The following NELL1 variants were observed in gnomAD, a reference collection of about 807,000 sequenced individuals.
NELL1 encodes the protein protein kinase C-binding protein NELL1.
A neutral mutation model predicts 107.4 loss-of-function variants in NELL1; 76 were observed. The observed-to-expected ratio is 0.71, with a 90% CI of 0.59 to 0.86. NELL1 has a LOEUF of 0.86. Ranked by LOEUF, NELL1 falls within the 40% of genes least tolerant of loss-of-function variation. The pLI is 0.00. For missense variants in NELL1, 1,024 were observed against 1,005.5 expected, an observed-to-expected ratio of 1.02 and a Z score of -0.25; for synonymous variants, 353 against 341.2, an observed-to-expected ratio of 1.03 and a Z score of -0.38.
intron 7 of NELL1, among the ~76,000 whole-genome samples, chr11:20,921,994 A>G (rs1404526173): frequency 6.6e-6 from 1 of 152,126 alleles, no homozygotes; most frequent in African/African-American, 2.4e-5. Context: ...AGGATTTTCA[A>G]GGAAGATTTT....
At chr11:21,272,264 C>G (rs982499874) in intron 14 of NELL1, among the ~76,000 whole-genome samples, 2 of 152,230 alleles carry the variant, frequency 1.3e-5, no homozygotes, top group Non-Finnish European at 2.9e-5. Flanking sequence ...TATCCCACCC[C>G]TGGCTCGGAG....
intron 3 of NELL1, among the ~76,000 whole-genome samples, chr11:20,794,656 A>G (rs1261916749): frequency 6.6e-6 from 1 of 152,132 alleles, no homozygotes; most frequent in Non-Finnish European, 1.5e-5. Flanking sequence ...AAGAAACTCA[A>G]TAAAAAAGCC....
intron 2 of NELL1, among the ~76,000 whole-genome samples, chr11:20,714,507 C>A (rs1855193627): frequency 7.3e-6 from 1 of 136,068 alleles, no homozygotes; most frequent in African/African-American, 2.7e-5. Flanking sequence ...CATGCCTGGC[C>A]CTGATGTGTT....
At chr11:21,272,500 C>T (rs1294002671) in intron 14 of NELL1, among the ~76,000 whole-genome samples, 10 of 152,202 alleles carry the variant, frequency 6.6e-5, no homozygotes, top group Admixed American at 5.2e-4. Flanking sequence ...AAAGAAAAGT[C>T]AGCAGAATCC....
intron 4 of NELL1, among the ~76,000 whole-genome samples, chr11:20,873,255 C>T (rs767414367): frequency 1.3e-5 from 2 of 152,068 alleles, no homozygotes; most frequent in African/African-American, 4.8e-5. Flanking sequence ...ACCTCAATGG[C>T]GCCATCTAGG....
At chr11:21,254,889 A>G (rs1046920585) in intron 14 of NELL1, among the ~76,000 whole-genome samples, 3 of 152,120 alleles carry the variant, frequency 2.0e-5, no homozygotes, top group Non-Finnish European at 1.5e-5. Context: ...AGAGCAGCTG[A>G]GCAAGCCCCA....
chr11:20,705,460 A>G (rs898734162), intron 2 of NELL1, among the ~76,000 whole-genome samples: 3 of 151,728 alleles, frequency 2.0e-5, no homozygotes, highest in African/African-American at 7.3e-5. Flanking sequence ...CTGGCTAGCC[A>G]TATGTAGAAA....
chr11:20,787,260 G>A lies in NELL1; in HGVS notation c.335+3430G>A, dbSNP rs535028975. On this transcript the variant is annotated intron_variant, in intron 3 of 19. Transcript: ENST00000357134. ...TGTAATGTAATGGCTGGGGGTAATA[G>A]AGAAAACCTGGTTTCTACTCTAGTA... is the stretch of plus-strand genomic sequence containing the variant. Among the ~76,000 whole-genome samples, 16 of 152,050 alleles carry A rather than the reference G, an allele frequency of 1.1e-4. 1 individual carries two copies. The highest frequency in any genetic ancestry group is 3.9e-4 in the African/African-American group (16 of 41,468).
At chr11:21,328,200 A>G (rs1204325093) in intron 14 of NELL1, among the ~76,000 whole-genome samples, 1 of 152,024 alleles carries the variant, frequency 6.6e-6, no homozygotes, top group Non-Finnish European at 1.5e-5. Context: ...TATGGGCTGG[A>G]CCTATGGCCT....
At chr11:21,279,474 C>T (rs1245403663) in intron 14 of NELL1, among the ~76,000 whole-genome samples, 6 of 152,158 alleles carry the variant, frequency 3.9e-5, no homozygotes. Context: ...AGACACCTCA[C>T]TAGGTAGCTA....
intron 13 of NELL1, among the ~76,000 whole-genome samples, chr11:21,172,934 G>GTA (rs1856637620): frequency 1.3e-5 from 2 of 151,672 alleles, no homozygotes; most frequent in Admixed American, 1.3e-4. Context: ...GTGTGTGTGT[G>GTA]TGTGTGTATG....
rs563281053 is a variant in NELL1, at chr11:21,204,398, A to G, written c.1427-24934A>G. On this transcript the variant is annotated intron_variant, in intron 13 of 19. Coordinates refer to ENST00000357134, the MANE Select transcript of NELL1 (RefSeq NM_006157.5). ...TGATATCCTTTCTTCTGCTTGATCTATTCAGCTATTGATACCAATGTATGC... is the reference window on the plus strand; with the variant it reads ...TGATATCCTTTCTTCTGCTTGATCTGTTCAGCTATTGATACCAATGTATGC... 1.2e-4 allele frequency among the ~76,000 whole-genome samples: 18 copies of G among 151,672 alleles called. No individual in the cohort carries two copies. In the South Asian group the frequency reaches 3.8e-3, roughly 32 times the overall value.
intron 12 of NELL1, among the ~76,000 whole-genome samples, chr11:21,012,209 T>G (rs1002174829): frequency 2.0e-5 from 3 of 152,146 alleles, no homozygotes; most frequent in African/African-American, 7.2e-5. Context: ...AATGCTCTGT[T>G]TTTTACAGCA....
chr11:20,803,955 G>A (rs367673955), intron 3 of NELL1, among the ~76,000 whole-genome samples: 4 of 152,034 alleles, frequency 2.6e-5, no homozygotes, highest in Admixed American at 6.5e-5. Flanking sequence ...CTCGAACATC[G>A]GACTCCCAGT....
chr11:21,573,198 A>G lies in NELL1; in HGVS notation c.2171A>G (p.Asp724Gly), dbSNP rs1248896772. 6 of 1,611,678 alleles carry G rather than the reference A, an allele frequency of 3.7e-6. No homozygotes were observed. Among genetic ancestry groups the G allele is most frequent in the Non-Finnish European group, 5.1e-6 (6 of 1,178,594 alleles). ...QQCRCLEGEV[D>G]CWPLTCPNLS... ...TTTCCTCTACAGGAAGGAGAGGTAG[A>G]TTGCTGGCCACTCACTTGCCCCAAC... Residue 724 changes from aspartate (D) to glycine (G), a missense_variant, in exon 19 of 20, where the codon GAT (aspartate) becomes GGT (glycine). Coordinates refer to ENST00000357134, the MANE Select transcript of NELL1 (RefSeq NM_006157.5).
chr11:21,156,055 T>C (rs1289040782), intron 13 of NELL1, among the ~76,000 whole-genome samples: 2 of 152,036 alleles, frequency 1.3e-5, no homozygotes, highest in African/African-American at 4.8e-5. Context: ...AAGTTTGTAG[T>C]TGGGACAGGG....
intron 2 of NELL1, among the ~76,000 whole-genome samples, chr11:20,719,581 A>G (rs1855330798): frequency 6.6e-6 from 1 of 152,178 alleles, no homozygotes. Context: ...CTCCCTGGAA[A>G]CAGATCTCTA....
intron 10 of NELL1, among the ~76,000 whole-genome samples, chr11:20,938,717 T>C (rs1168965638): frequency 6.6e-6 from 1 of 152,122 alleles, no homozygotes; most frequent in Non-Finnish European, 1.5e-5. Context: ...TATAAATGCC[T>C]AAAGCAATAA....
chr11:21,034,124 C>T (rs72941906), intron 12 of NELL1, among the ~76,000 whole-genome samples: 6,201 of 152,108 alleles, frequency 0.041, 182 homozygotes, highest in Middle Eastern at 0.078. Context: ...CGTTGCCTTG[C>T]GGGTTTTTAT....
Sources: allele counts gnomAD v4.1 joint callset (sites outside exome capture counted in the v4.1 genomes callset), GRCh38; gene constraint gnomAD v4.1.1; transcripts MANE v1.5; gene names NCBI Gene and HGNC (gene_info 2026-07-23, HGNC 2026-07-21).